KPNA6: variants seen among roughly 807,000 people sequenced by gnomAD.
The protein encoded by KPNA6 is karyopherin subunit alpha 6.
A neutral mutation model predicts 72.0 loss-of-function variants in KPNA6; 9 were observed. The ratio of observed to expected loss-of-function variants is 0.13; its 90% CI spans 0.08 to 0.22. The LOEUF (loss-of-function observed/expected upper bound fraction) is 0.22, where lower values mean the gene tolerates loss of function less well. KPNA6 is among the 10% of genes least tolerant of loss of function. The pLI, the probability that KPNA6 is intolerant of heterozygous loss-of-function variation, is 1.00. For missense variants in KPNA6, 374 were observed against 655.7 expected (o/e 0.57, Z 4.69); for synonymous variants, 219 against 242.1 (o/e 0.90, Z 0.89).
intron 10 of KPNA6, 79 bp downstream of exon 10, chr1:32,163,392 C>G (rs1642277748): frequency 2.0e-6 from 2 of 1,011,106 alleles, no homozygotes; most frequent in African/African-American, 1.6e-5. Context: ...AAAAGCCTTT[C>G]CTGCAAAGGG....
chr1:32,145,316 T>G (rs193230043), intron 1 of KPNA6, among the ~76,000 whole-genome samples: 20 of 151,150 alleles, frequency 1.3e-4, no homozygotes, highest in Non-Finnish European at 2.7e-4. Flanking sequence ...ATTGTGGTTT[T>G]GATTTGTATT....
At chr1:32,141,424 G>T (rs1641836281) in intron 1 of KPNA6, among the ~76,000 whole-genome samples, 1 of 81,196 alleles carries the variant, frequency 1.2e-5, no homozygotes. Flanking sequence ...TTGAGACGGA[G>T]TCTCACACTG....
intron 1 of KPNA6, among the ~76,000 whole-genome samples, chr1:32,141,958 T>C (rs1641845987): frequency 6.6e-6 from 1 of 152,108 alleles, no homozygotes; most frequent in Non-Finnish European, 1.5e-5. Context: ...TTCTGGAGGC[T>C]AGAAGTCTGA....
intron 1 of KPNA6, among the ~76,000 whole-genome samples, chr1:32,117,185 T>C (rs1194489862): frequency 6.6e-6 from 1 of 151,936 alleles, no homozygotes; most frequent in Non-Finnish European, 1.5e-5. Flanking sequence ...TTTGTTTTTT[T>C]TTTTTGAGAC....
At chr1:32,155,543 G>A (rs1180410927) in intron 2 of KPNA6, among the ~76,000 whole-genome samples, 1 of 151,396 alleles carries the variant, frequency 6.6e-6, no homozygotes, top group Non-Finnish European at 1.5e-5. Flanking sequence ...GACTGGTCTC[G>A]AACTCCTGAC....
chr1:32,135,233 A>G (rs1641712999), intron 1 of KPNA6, among the ~76,000 whole-genome samples: 1 of 151,996 alleles, frequency 6.6e-6, no homozygotes, highest in Admixed American at 6.6e-5. Context: ...AGGCCTGGCT[A>G]ATTTTGTATT....
chr1:32,160,849 G>T, intron 7 of KPNA6, 146 bp downstream of exon 7: 2 of 636,164 alleles, frequency 3.1e-6, no homozygotes, highest in Admixed American at 4.6e-5. Context: ...TAAAAGATAG[G>T]TATCTTTGGA....
At chr1:32,125,263 A>T (rs1641512555) in intron 1 of KPNA6, among the ~76,000 whole-genome samples, 1 of 152,264 alleles carries the variant, frequency 6.6e-6, no homozygotes, top group South Asian at 2.1e-4. Context: ...ATGTAATCAA[A>T]ACTTTAAAAA....
At chr1:32,131,980 A>AT (rs972931127) in intron 1 of KPNA6, among the ~76,000 whole-genome samples, 8 of 149,296 alleles carry the variant, frequency 5.4e-5, no homozygotes, top group East Asian at 2.0e-4. Context: ...TTTATTTTTT[A>AT]TTTTTTTTGA....
At chr1:32,137,364 G>T (rs1052635427) in intron 1 of KPNA6, among the ~76,000 whole-genome samples, 13 of 151,918 alleles carry the variant, frequency 8.6e-5, no homozygotes, top group African/African-American at 3.1e-4. Flanking sequence ...TTTCAGAGAC[G>T]GTTTTGCTAG....
At chr1:32,154,955 A>T (rs1221968501) in intron 2 of KPNA6, among the ~76,000 whole-genome samples, 3 of 152,074 alleles carry the variant, frequency 2.0e-5, no homozygotes, top group African/African-American at 7.2e-5. Context: ...TACTAAAAAT[A>T]CAGAAATTAG....
At chr1:32,125,405 T>G (rs1314147307) in intron 1 of KPNA6, among the ~76,000 whole-genome samples, 1 of 152,180 alleles carries the variant, frequency 6.6e-6, no homozygotes. Context: ...GGATAAAACA[T>G]AAATAACATT....
intron 2 of KPNA6, among the ~76,000 whole-genome samples, chr1:32,155,623 G>A (rs554087908): frequency 8.3e-4 from 126 of 151,948 alleles, no homozygotes; most frequent in Middle Eastern, 6.8e-3. Context: ...AAGCCACCAC[G>A]CCCAGCCTGA....
chr1:32,113,686 G>C (rs1167405243), intron 1 of KPNA6, among the ~76,000 whole-genome samples: 1 of 152,042 alleles, frequency 6.6e-6, no homozygotes, highest in African/African-American at 2.4e-5. Flanking sequence ...TGATCTTCCT[G>C]CCTTAGCCTC....
chr1:32,161,396 C>T (rs922919845), intron 7 of KPNA6, among the ~76,000 whole-genome samples: 3 of 152,212 alleles, frequency 2.0e-5, no homozygotes, highest in Non-Finnish European at 4.4e-5. Context: ...CCCCGTGAAG[C>T]GTCATTGTAT....
intron 13 of KPNA6, 111 bp from the exon 14 acceptor site, chr1:32,170,596 A>AT: frequency 1.2e-6 from 1 of 815,336 alleles, no homozygotes; most frequent in Non-Finnish European, 2.0e-6. Flanking sequence ...TGATCATATG[A>AT]CTTGTGTTTG....
chr1:32,118,231 C>G (rs1445827393), intron 1 of KPNA6, among the ~76,000 whole-genome samples: 1 of 152,096 alleles, frequency 6.6e-6, no homozygotes. Context: ...GCCATCTCAC[C>G]TGTTTTTCAA....
chr1:32,153,071 C>A (rs1570049682), intron 1 of KPNA6, among the ~76,000 whole-genome samples: 3 of 131,108 alleles, frequency 2.3e-5, no homozygotes, highest in Admixed American at 1.5e-4. Flanking sequence ...CTTAGATATA[C>A]AACTTAAATT....
chr1:32,130,214 A>G (rs998212399), intron 1 of KPNA6, among the ~76,000 whole-genome samples: 5 of 145,492 alleles, frequency 3.4e-5, no homozygotes, highest in Non-Finnish European at 7.5e-5. Flanking sequence ...TGGATTTAGT[A>G]GATAAATATT....
Sources: allele counts gnomAD v4.1 joint callset (sites outside exome capture counted in the v4.1 genomes callset), GRCh38; gene constraint gnomAD v4.1.1; transcripts MANE v1.5; gene names NCBI Gene and HGNC (gene_info 2026-07-23, HGNC 2026-07-21).